The following VDAC1 variants were observed in gnomAD, a reference collection of about 807,000 sequenced individuals.
VDAC1 encodes non-selective voltage-gated ion channel VDAC1.
Under a neutral mutation model 34.7 loss-of-function variants are expected in VDAC1, and 10 were observed. That is an observed-to-expected ratio of 0.29 (90% CI 0.18 to 0.49). The LOEUF (loss-of-function observed/expected upper bound fraction) is 0.49. Among genes scored for constraint, VDAC1 ranks in the 20% least tolerant of loss-of-function variants. The pLI, the probability that VDAC1 is intolerant of heterozygous loss-of-function variation, is 0.99. For synonymous variants in VDAC1, 130 were observed against 136.0 expected (o/e 0.96, Z 0.30); for missense variants, 230 against 347.9 (o/e 0.66, Z 2.69).
chr5:134,017,227 G>A, the VDAC1 span, among the ~76,000 whole-genome samples: 6 of 152,322 alleles, frequency 3.9e-5, no homozygotes, highest in Non-Finnish European at 5.9e-5. Flanking sequence ...ACCACTTTGG[G>A]AGGCTGAGGC....
intron 6 of VDAC1, 65 bp downstream of exon 6, chr5:133,980,662 AGC>A: frequency 1.1e-6 from 1 of 890,080 alleles, no homozygotes; most frequent in Admixed American, 3.0e-5. Flanking sequence ...AACAGTGAAA[AGC>A]AATCCCCTTA....
At chr5:134,089,528 G>A in the VDAC1 span, among the ~76,000 whole-genome samples, 1 of 152,178 alleles carries the variant, frequency 6.6e-6, no homozygotes. Flanking sequence ...ATTAAGGCAG[G>A]GCTGCCCTGA....
chr5:134,022,870 TTGG>T, the VDAC1 span, among the ~76,000 whole-genome samples: 1 of 152,170 alleles, frequency 6.6e-6, no homozygotes, highest in Non-Finnish European at 1.5e-5. Flanking sequence ...ATTTACACTG[TTGG>T]TGGGAGTGTA....
At chr5:134,079,988 G>C in the VDAC1 span, among the ~76,000 whole-genome samples, 2 of 152,362 alleles carry the variant, frequency 1.3e-5, no homozygotes, top group Admixed American at 1.3e-4. Context: ...GGCGGCCTGC[G>C]GTGGGGGCTT....
At chr5:134,095,522 A>AAATC in the VDAC1 span, among the ~76,000 whole-genome samples, 423 of 150,936 alleles carry the variant, frequency 2.8e-3, 6 homozygotes, top group East Asian at 0.014. Flanking sequence ...ATAAATAAAT[A>AAATC]AATCCAAGAG....
At chr5:134,002,860 T>C (rs1029363049) in intron 1 of VDAC1, among the ~76,000 whole-genome samples, 2 of 151,284 alleles carry the variant, frequency 1.3e-5, no homozygotes, top group Non-Finnish European at 2.9e-5. Flanking sequence ...AGATACTCTG[T>C]GAGGCTGAGG....
chr5:133,986,385 C>T (rs1000796464), intron 5 of VDAC1, among the ~76,000 whole-genome samples: 2 of 152,046 alleles, frequency 1.3e-5, no homozygotes, highest in African/African-American at 4.8e-5. Context: ...GTACATCTAG[C>T]ACCCAGAATT....
At chr5:134,109,951 C>G in the VDAC1 span, among the ~76,000 whole-genome samples, 3 of 152,198 alleles carry the variant, frequency 2.0e-5, no homozygotes, top group African/African-American at 7.2e-5. Context: ...AGCCTAGGAC[C>G]TGGCACACAG....
chr5:134,000,090 G>C (rs1430193640), intron 1 of VDAC1, among the ~76,000 whole-genome samples: 1 of 152,018 alleles, frequency 6.6e-6, no homozygotes, highest in Non-Finnish European at 1.5e-5. Flanking sequence ...AACACAATCA[G>C]CAGCTCGCTC....
chr5:134,025,660 G>A, the VDAC1 span, among the ~76,000 whole-genome samples: 24,188 of 152,062 alleles, frequency 0.16, 2,065 homozygotes, highest in South Asian at 0.25. Flanking sequence ...CGCAATCTCT[G>A]CTCACTGCAA....
At chr5:134,042,137 G>A in the VDAC1 span, among the ~76,000 whole-genome samples, 1 of 152,304 alleles carries the variant, frequency 6.6e-6, no homozygotes, top group African/African-American at 2.4e-5. Context: ...GGGCAGCGTG[G>A]GAAGGTCGGA....
chr5:134,103,535 C>A, the VDAC1 span, among the ~76,000 whole-genome samples: 1 of 152,206 alleles, frequency 6.6e-6, no homozygotes, highest in Non-Finnish European at 1.5e-5. Context: ...TAGTTTAGCT[C>A]TCCGCCAGCC....
At chr5:133,998,603 C>T (rs1753423327) in intron 1 of VDAC1, among the ~76,000 whole-genome samples, 2 of 152,212 alleles carry the variant, frequency 1.3e-5, no homozygotes, top group Admixed American at 6.5e-5. Flanking sequence ...TCCCAAATCA[C>T]GTTCCAAGGC....
At chr5:134,090,626 G>A in the VDAC1 span, among the ~76,000 whole-genome samples, 1 of 152,116 alleles carries the variant, frequency 6.6e-6, no homozygotes, top group Non-Finnish European at 1.5e-5. Context: ...CAGCAAACCT[G>A]CTCCCACCAA....
At chr5:134,000,850 G>A (rs1753522014) in intron 1 of VDAC1, among the ~76,000 whole-genome samples, 1 of 152,152 alleles carries the variant, frequency 6.6e-6, no homozygotes, top group East Asian at 1.9e-4. Context: ...AATAATGGCT[G>A]CTAAGCATGT....
intron 1 of VDAC1, among the ~76,000 whole-genome samples, chr5:134,001,371 G>A (rs1241675810): frequency 6.6e-5 from 10 of 152,144 alleles, no homozygotes; most frequent in Admixed American, 5.9e-4. Flanking sequence ...GAAAGGTGCT[G>A]AGCAAGCCCT....
At chr5:134,003,922 CGAAT>C (rs1753655978) in intron 1 of VDAC1, among the ~76,000 whole-genome samples, 1 of 152,188 alleles carries the variant, frequency 6.6e-6, no homozygotes, top group African/African-American at 2.4e-5. Context: ...CCGCATTTGG[CGAAT>C]GAATGAACGA....
At chr5:134,012,429 A>T in the VDAC1 span, among the ~76,000 whole-genome samples, 4 of 152,232 alleles carry the variant, frequency 2.6e-5, no homozygotes, top group Non-Finnish European at 4.4e-5. Flanking sequence ...GGGCTATAGT[A>T]TGAATGTTTA....
At chr5:134,076,525 C>T in the VDAC1 span, among the ~76,000 whole-genome samples, 4 of 152,342 alleles carry the variant, frequency 2.6e-5, no homozygotes, top group South Asian at 8.3e-4. Context: ...CTGTTTAGCT[C>T]ACTGCTCTCG....
Sources: allele counts gnomAD v4.1 joint callset (sites outside exome capture counted in the v4.1 genomes callset), GRCh38; gene constraint gnomAD v4.1.1; transcripts MANE v1.5; gene names NCBI Gene and HGNC (gene_info 2026-07-23, HGNC 2026-07-21).